The following RBM11 variants were observed in gnomAD, a reference collection of about 807,000 sequenced individuals.
RBM11 encodes RNA binding motif protein 11, also known as splicing regulator RBM11.
RBM11 carries 18 observed loss-of-function variants against 21.4 expected under a neutral mutation model. That is an observed-to-expected ratio of 0.84 (90% CI 0.58 to 1.25). The LOEUF is 1.25. RBM11 is among the 50% of genes most tolerant of loss of function. The pLI is 0.00. For synonymous variants in RBM11, 120 were observed against 116.3 expected, an observed-to-expected ratio of 1.03 and a Z score of -0.20; for missense variants, 294 against 331.9, an observed-to-expected ratio of 0.89 and a Z score of 0.89.
At chr21:14,221,670 T>A (rs1310319589) in intron 3 of RBM11, among the ~76,000 whole-genome samples, 1 of 152,204 alleles carries the variant, frequency 6.6e-6, no homozygotes, top group East Asian at 1.9e-4. Context: ...CCTGATTTAT[T>A]GATGCAATGG....
Position 14,226,921 on chromosome 21 carries a change from T to C in RBM11, c.474T>C (p.Tyr158=), listed in dbSNP as rs1979141249. ...ATCCAGTGCTGCAGCTTCCTTACTA[T>C]GAAATGACAGCTCCACTTCCTAATA... The part of the protein sequence containing the change: ...VYNPVLQLPY[Y]EMTAPLPNSA... Residue 158 remains tyrosine, a synonymous_variant, in exon 5 of 5, where the codon TAT becomes TAC. Transcript: ENST00000400577. 2 of 1,613,868 alleles carry C rather than the reference T, an allele frequency of 1.2e-6. No homozygotes were observed. The highest frequency in any genetic ancestry group is 1.7e-6 in the Non-Finnish European group (2 of 1,179,864).
chr21:14,220,186 C>T (rs1163019521), intron 2 of RBM11, among the ~76,000 whole-genome samples: 1 of 152,070 alleles, frequency 6.6e-6, no homozygotes, highest in Admixed American at 6.6e-5. Context: ...GGATTTTAGC[C>T]CCTGTAAGAG....
chr21:14,216,431 G>C, intron 1 of RBM11, 149 bp downstream of exon 1: 2 of 663,036 alleles, frequency 3.0e-6, no homozygotes, highest in East Asian at 5.7e-5. Flanking sequence ...CCTGTCTCCA[G>C]GTGAGCGGCT....
intron 4 of RBM11, among the ~76,000 whole-genome samples, chr21:14,225,262 C>G (rs776968899): frequency 4.6e-5 from 7 of 152,044 alleles, no homozygotes; most frequent in Non-Finnish European, 8.8e-5. Flanking sequence ...CAAAACTATC[C>G]TTCTTGAGTA....
chr21:14,228,332 ATATT>A lies in RBM11; in HGVS notation c.*1044_*1047del, dbSNP rs771576037. On this transcript the variant is annotated 3_prime_UTR_variant, in exon 5 of 5. Transcript: ENST00000400577. The stretch of plus-strand genomic sequence containing the variant: ...TTGCATGTTGCCTAGCATTTTATAG[ATATT>A]TATTATTTAAAAAAATAAAGATATG... 47 of 152,152 alleles carry A rather than the reference ATATT, an allele frequency of 3.1e-4. No homozygotes were observed. Among genetic ancestry groups the A allele is most frequent in the Non-Finnish European group, 1.6e-4 (11 of 68,034 alleles). The allele number at this position is 152,152 out of a possible 1,614,324, so 9.4% of individuals were successfully genotyped here. A position where few individuals can be genotyped will look rare whatever the true frequency, so the allele number is the denominator to read the frequency against.
chr21:14,221,864 C>T (rs758730240), intron 3 of RBM11, among the ~76,000 whole-genome samples: 7 of 152,196 alleles, frequency 4.6e-5, no homozygotes, highest in Non-Finnish European at 8.8e-5. Flanking sequence ...GGCAGAAGGA[C>T]GAACTAGCTG....
chr21:14,218,030 A>C (rs1175758586), intron 1 of RBM11, among the ~76,000 whole-genome samples: 2 of 152,148 alleles, frequency 1.3e-5, no homozygotes, highest in Non-Finnish European at 2.9e-5. Flanking sequence ...CTAGGTATTG[A>C]AAGGAATTGC....
chr21:14,218,617 A>C (rs561054147), intron 1 of RBM11, among the ~76,000 whole-genome samples: 131 of 152,328 alleles, frequency 8.6e-4, no homozygotes, highest in African/African-American at 3.1e-3. Flanking sequence ...AAATCTTAAC[A>C]CACAGAATTA....
chr21:14,221,105 C>T lies in RBM11; in HGVS notation c.268C>T (p.Arg90Cys), dbSNP rs552804707. ...CTCTGTTTCTTTCAAAGGGAGTTCT[C>T]GCTCTTCTGAACCAGCTAACCAAAG... Reference protein sequence around the residue: ...INVQYRFGSSRSSEPANQSFE... With the variant: ...INVQYRFGSSCSSEPANQSFE... The change falls in exon 3 of 5, where the codon CGC becomes TGC. Residue 90 changes from arginine (R) to cysteine (C), a missense_variant. Around this residue, in one of 2 missense-constraint regions of RBM11, gnomAD observed 181 missense variants for 164.6 expected, o/e 1.10. Transcript: ENST00000400577. 3.7e-5 allele frequency: 59 copies of T among 1,575,238 alleles called. 1 individual carries two copies. In the South Asian group the frequency reaches 5.3e-4, roughly 14 times the overall value.
Position 14,224,501 on chromosome 21 carries a change from T to G in RBM11, c.396T>G (p.Thr132=), listed in dbSNP as rs752632905. Residue 132 remains threonine, a synonymous_variant, in exon 4 of 5, where the codon ACT becomes ACG. Transcript: ENST00000400577. ...FPMQYFPINN[T]SLPQEYFLFQ... ...TGCAGTATTTTCCAATTAATAATACTTCTTTACCTCAAGAATATTTTCTCT... is the reference window on the plus strand; with the variant it reads ...TGCAGTATTTTCCAATTAATAATACGTCTTTACCTCAAGAATATTTTCTCT... 3 of 1,558,102 alleles carry G rather than the reference T, an allele frequency of 1.9e-6. No homozygotes were observed. Among genetic ancestry groups the G allele is most frequent in the Non-Finnish European group, 2.6e-6 (3 of 1,149,902 alleles).
At chr21:14,221,440 A>G (rs1484074665) in intron 3 of RBM11, 1 of 259,624 alleles carries the variant, frequency 3.9e-6, no homozygotes, top group African/African-American at 2.3e-5. Flanking sequence ...AAATCATTTA[A>G]GCATACAAGG....
At chr21:14,219,421 T>G (rs1978466936) in intron 1 of RBM11, 142 bp from the exon 2 acceptor site, 7 of 579,192 alleles carry the variant, frequency 1.2e-5, no homozygotes, top group Admixed American at 7.2e-5. Context: ...AGTGTAATAT[T>G]TATTATTAGA....
chr21:14,216,268 G>C lies in RBM11; in HGVS notation c.82G>C (p.Glu28Gln). Reference sequence around the variant, plus strand: ...CCGAGTTCGGGAAGAGATTCTGTACGAGCTGTTCCTTCAGGTACCGTCTCT... The same window carrying C: ...CCGAGTTCGGGAAGAGATTCTGTACCAGCTGTTCCTTCAGGTACCGTCTCT... ...EARVREEILY[E>Q]LFLQAGPLTK... The change falls in exon 1 of 5, where the codon GAG becomes CAG. Residue 28 changes from glutamate (E) to glutamine (Q), a missense_variant. Glu to Gln is a conservative substitution (Grantham distance 29, BLOSUM62 2). Coordinates refer to ENST00000400577, the MANE Select transcript of RBM11 (RefSeq NM_144770.5). 1 of 1,613,552 alleles carries C rather than the reference G, an allele frequency of 6.2e-7. No individual in the cohort carries two copies. The highest frequency in any genetic ancestry group is 8.5e-7 in the Non-Finnish European group (1 of 1,179,704).
intron 3 of RBM11, among the ~76,000 whole-genome samples, chr21:14,222,278 CAT>C (rs142179937): frequency 0.011 from 1,618 of 151,920 alleles, 19 homozygotes; most frequent in African/African-American, 0.033. Flanking sequence ...TCAGAGTAGA[CAT>C]ATAGATCTAT....
At chr21:14,223,494 G>A (rs1359645406) in intron 3 of RBM11, among the ~76,000 whole-genome samples, 1 of 152,194 alleles carries the variant, frequency 6.6e-6, no homozygotes, top group East Asian at 1.9e-4. Flanking sequence ...AAAGGTGTCA[G>A]CAGCATTGTT....
chr21:14,219,818 C>G (rs779053852), intron 2 of RBM11, 93 bp downstream of exon 2: 31 of 1,113,410 alleles, frequency 2.8e-5, no homozygotes, highest in Non-Finnish European at 3.3e-5. Flanking sequence ...AGTATAAGAC[C>G]AAAACAAAAA....
rs1979217434 is a variant in RBM11 at position 14,227,585 on chromosome 21, C to A, written c.*292C>A. The A allele has an allele frequency of 8.6e-6, 3 of 350,406 alleles. No homozygotes were observed. The highest frequency in any genetic ancestry group is 1.6e-5 in the Non-Finnish European group (3 of 193,154). 21.7% of individuals were successfully genotyped at this position (350,406 alleles called of 1,614,324 possible). On this transcript the variant is annotated 3_prime_UTR_variant, in exon 5 of 5. Transcript: ENST00000400577. ...GATGAAATTTCACCAAACTATTAATCAAAAGTCACTTATTGAACACATTGA... is the reference window on the plus strand; with the variant it reads ...GATGAAATTTCACCAAACTATTAATAAAAAGTCACTTATTGAACACATTGA...
At chr21:14,217,732 A>C (rs1041498764) in intron 1 of RBM11, among the ~76,000 whole-genome samples, 62 of 152,304 alleles carry the variant, frequency 4.1e-4, no homozygotes, top group East Asian at 3.5e-3. Context: ...AAGTTAAAAA[A>C]AACAACAACA....
chr21:14,224,896 A>T lies in RBM11; in HGVS notation c.432+359A>T, dbSNP rs78238062. Among the ~76,000 whole-genome samples, 1,053 of 152,310 alleles carry T rather than the reference A, an allele frequency of 6.9e-3. 11 individuals carry two copies. The highest frequency in any genetic ancestry group is 0.051 in the Middle Eastern group (15 of 294). ...CAGCATTTTGGGAGGCCAGGGCAGG[A>T]TCAATTGAGGTCAAGAGGTCGAGAC... is the stretch of plus-strand genomic sequence containing the variant. On this transcript the variant is annotated intron_variant, in intron 4 of 4. Coordinates refer to ENST00000400577, the MANE Select transcript of RBM11 (RefSeq NM_144770.5).
Sources: gnomAD v4.1 joint callset for allele counts (sites outside exome capture counted in the v4.1 genomes callset) on GRCh38, gnomAD v4.1.1 for gene constraint, gnomAD v4.1.1 regional missense constraint, MANE v1.5 for transcripts, NCBI Gene and HGNC (gene_info 2026-07-23, HGNC 2026-07-21) for gene names.